The following CHMP1A variants were observed in gnomAD, a reference collection of about 807,000 sequenced individuals.
The protein encoded by CHMP1A is charged multivesicular body protein 1A.
CHMP1A carries 17 observed loss-of-function variants against 27.0 expected under a neutral mutation model. The ratio of observed to expected loss-of-function variants is 0.63; its 90% confidence interval spans 0.43 to 0.95. The LOEUF (loss-of-function observed/expected upper bound fraction) is 0.95, where lower values mean the gene tolerates loss of function less well. Among genes scored for constraint, CHMP1A ranks in the 40% least tolerant of loss-of-function variants. The pLI, the probability that CHMP1A is intolerant of heterozygous loss-of-function variation, is 0.00. For synonymous variants in CHMP1A, 131 were observed against 107.5 expected (o/e 1.22, Z -1.35); for missense variants, 275 against 264.0 (o/e 1.04, Z -0.29).
intron 6 of CHMP1A, among the ~76,000 whole-genome samples, 163 bp from the exon 7 acceptor site, chr16:89,646,250 T>G (rs879889762): frequency 6.6e-6 from 1 of 152,128 alleles, no homozygotes; most frequent in African/African-American, 2.4e-5. Flanking sequence ...CCTGATCTGT[T>G]AGGAAGGGTG....
At chr16:89,650,293 C>G in intron 3 of CHMP1A, among the ~76,000 whole-genome samples, 1 of 152,142 alleles carries the variant, frequency 6.6e-6, no homozygotes, top group East Asian at 1.9e-4. Flanking sequence ...ATTCTCCCGC[C>G]TCAGCCTTCC....
intron 1 of CHMP1A, among the ~76,000 whole-genome samples, 162 bp from the exon 2 acceptor site, chr16:89,654,085 C>T: frequency 6.6e-6 from 1 of 152,208 alleles, no homozygotes; most frequent in East Asian, 1.9e-4. Flanking sequence ...ACAGGGGAGG[C>T]ACGAGACAGA....
chr16:89,651,282 A>G (rs2059821271), intron 3 of CHMP1A, among the ~76,000 whole-genome samples: 1 of 150,300 alleles, frequency 6.7e-6, no homozygotes, highest in Admixed American at 6.6e-5. Context: ...AAGGCCCTAG[A>G]ATCACTTGAA....
rs373046047 is a variant in CHMP1A, at chr16:89,656,175, C to T, written c.7+1407G>A. 3.1e-3 allele frequency among the ~76,000 whole-genome samples: 476 copies of T among 152,332 alleles called. 2 individuals carry two copies. The highest frequency in any genetic ancestry group is 0.01 in the African/African-American group (434 of 41,574). ...TTTTTGAGACGGAGTCTCGCTCTGT[C>T]GCCCAGGCTGGAGTGAAGTGGCGCG... On this transcript the variant is annotated intron_variant, in intron 1 of 6. Coordinates refer to ENST00000397901, the MANE Select transcript of CHMP1A (RefSeq NM_002768.5).
chr16:89,645,871 A>G lies in CHMP1A; in HGVS notation c.*195T>C. On this transcript the variant is annotated 3_prime_UTR_variant, in exon 7 of 7. Coordinates refer to ENST00000397901, the MANE Select transcript of CHMP1A (RefSeq NM_002768.5). ...CAGAAATTTGCAGAAACTCAACACC[A>G]GGACACAGACCCACCGCCCAACCTA... 3 of 1,557,744 alleles carry G rather than the reference A, an allele frequency of 1.9e-6. No individual in the cohort carries two copies. The highest frequency in any genetic ancestry group is 2.6e-6 in the Non-Finnish European group (3 of 1,151,910).
intron 1 of CHMP1A, among the ~76,000 whole-genome samples, 164 bp from the exon 2 acceptor site, chr16:89,654,087 C>T (rs567901559): frequency 2.6e-5 from 4 of 152,304 alleles, no homozygotes; most frequent in South Asian, 2.1e-4. Context: ...AGGGGAGGCA[C>T]GAGACAGATT....
At position 89,645,396 on chromosome 16, in the gene CHMP1A, A is replaced by G. The variant is rs181181083; in HGVS notation, c.*670T>C. 124 of 157,498 alleles carry G rather than the reference A, an allele frequency of 7.9e-4. No homozygotes were observed. Among genetic ancestry groups the G allele is most frequent in the African/African-American group, 2.9e-3 (122 of 41,606 alleles). The allele number at this position is 157,498 out of a possible 1,614,324, so 9.8% of individuals were successfully genotyped here. On this transcript the variant is annotated 3_prime_UTR_variant, in exon 7 of 7. Transcript: ENST00000397901. ...AGGATGAAGACTGCAGGGTGGGCAC[A>G]CTTGAATGTGGATCTGAGTGACGGT...
intron 1 of CHMP1A, among the ~76,000 whole-genome samples, chr16:89,656,214 G>A (rs143408171): frequency 9.7e-4 from 147 of 152,280 alleles, no homozygotes; most frequent in African/African-American, 3.4e-3. Context: ...TCGGCTCACT[G>A]CAAGCTCCGC....
intron 3 of CHMP1A, 49 bp downstream of exon 3, chr16:89,651,520 C>T: frequency 6.3e-7 from 1 of 1,576,954 alleles, no homozygotes; most frequent in Non-Finnish European, 8.7e-7. Context: ...CAGAAAAGGA[C>T]AGAAGACAAA....
rs925376183 is a variant in CHMP1A at position 89,650,891 on chromosome 16, T to C, written c.105+678A>G. ...AAAATCAAGTTCAGAATGTTGGAAA[T>C]GCAAAGAAGGAAAACAATGAAGGCA... On this transcript the variant is annotated intron_variant, in intron 3 of 6. Coordinates refer to ENST00000397901, the MANE Select transcript of CHMP1A (RefSeq NM_002768.5). Among the ~76,000 whole-genome samples the C allele has an allele frequency of 2.0e-5, 3 of 151,832 alleles. No individual in the cohort carries two copies. In the East Asian group the frequency reaches 5.8e-4, roughly 29 times the overall value.
chr16:89,646,139 C>T (rs1334327270), intron 6 of CHMP1A, 52 bp from the exon 7 acceptor site: 1 of 1,478,256 alleles, frequency 6.8e-7, no homozygotes, highest in Non-Finnish European at 9.1e-7. Context: ...GGGCCTCTGA[C>T]CACCACGTGC....
chr16:89,648,531 C>G (rs1050545325), intron 4 of CHMP1A, among the ~76,000 whole-genome samples: 3 of 152,204 alleles, frequency 2.0e-5, no homozygotes, highest in Non-Finnish European at 2.9e-5. Flanking sequence ...CTGTGACGTC[C>G]CTGACCCAGC....
chr16:89,655,596 T>G (rs377487323), intron 1 of CHMP1A, among the ~76,000 whole-genome samples: 3 of 152,086 alleles, frequency 2.0e-5, no homozygotes, highest in South Asian at 2.1e-4. Flanking sequence ...CTCAAAAGAG[T>G]TGAGTGAGCT....
intron 1 of CHMP1A, 101 bp downstream of exon 1, chr16:89,657,481 C>T: frequency 6.7e-7 from 1 of 1,488,884 alleles, no homozygotes; most frequent in Non-Finnish European, 9.2e-7. Flanking sequence ...CCGAGCTCTC[C>T]TGAGTCCTGC....
In CHMP1A at chr16:89,657,663, G is replaced by C; in HGVS notation, c.-75C>G. 3.8e-6 allele frequency: 6 copies of C among 1,599,530 alleles called. No homozygotes were observed. The highest frequency in any genetic ancestry group is 5.1e-6 in the Non-Finnish European group (6 of 1,174,198). ...CCGGGCGGTGTCAGGTCCCGGCGGC[G>C]ATCGAACCGACCAAGCTGCACCCGG... On this transcript the variant is annotated 5_prime_UTR_variant, in exon 1 of 7. It adds an upstream start codon to the 5' untranslated region. Transcript: ENST00000397901.
At chr16:89,650,421 GCCCCATCCCAC>G (rs1459311614) in intron 3 of CHMP1A, among the ~76,000 whole-genome samples, 1 of 152,156 alleles carries the variant, frequency 6.6e-6, no homozygotes, top group Non-Finnish European at 1.5e-5. Context: ...TAAGCCTCCA[GCCCCATCCCAC>G]CCCATGGGGC....
chr16:89,651,542 A>C, intron 3 of CHMP1A, 27 bp downstream of exon 3: 1 of 1,609,592 alleles, frequency 6.2e-7, no homozygotes. Flanking sequence ...CAGGAGAGTC[A>C]TGACCCCACA....
chr16:89,647,607 G>C (rs80272277), intron 4 of CHMP1A, among the ~76,000 whole-genome samples: 315 of 124,724 alleles, frequency 2.5e-3, no homozygotes, highest in African/African-American at 8.4e-3. Context: ...CCGACGTGGA[G>C]ACCCAGTGCG....
At position 89,646,598 on chromosome 16, in the gene CHMP1A, G is replaced by A. The variant is rs768593946; in HGVS notation, c.498C>T (p.Ser166=). 9.4e-6 allele frequency: 15 copies of A among 1,602,838 alleles called. No individual in the cohort carries two copies. The highest frequency in any genetic ancestry group is 1.3e-5 in the Non-Finnish European group (15 of 1,175,866). Residue 166 remains serine, a synonymous_variant, in exon 6 of 7, where the codon AGC becomes AGT. Transcript: ENST00000397901. ...CGGCAGAGGCGCCCTCGGGCAGCTG[G>A]CTGAGCTGGTCCAGCACCTCCAGGC... ...ENGLEVLDQL[S]QLPEGASAVG... is the part of the protein sequence containing the mutation.
Sources: gnomAD v4.1 joint callset for allele counts (sites outside exome capture counted in the v4.1 genomes callset) on GRCh38, gnomAD v4.1.1 for gene constraint, MANE v1.5 for transcripts, NCBI Gene and HGNC (gene_info 2026-07-23, HGNC 2026-07-21) for gene names.